Variants in SLCO3A1 observed in about 807,000 individuals in gnomAD.
SLCO3A1 encodes solute carrier organic anion transporter family member 3A1, also known as PGE1 transporter.
In SLCO3A1, 27 loss-of-function variants were observed where a neutral mutation model predicts 63.1. The ratio of observed to expected loss-of-function variants is 0.43; its 90% CI spans 0.32 to 0.59. The LOEUF is 0.59. SLCO3A1 is among the 20% of genes least tolerant of loss of function. The pLI is 0.09. For missense variants in SLCO3A1, 773 were observed against 945.8 expected, an observed-to-expected ratio of 0.82 and a Z score of 2.40; for synonymous variants, 473 against 409.9, an observed-to-expected ratio of 1.15 and a Z score of -1.86.
exon 11 of SLCO3A1, chr15:92,172,013 C>T (rs2048524516): frequency 4.7e-6 from 3 of 642,318 alleles, no homozygotes; most frequent in Admixed American, 2.4e-5. Context: ...AGGCCCCAAG[C>T]GCAGGCCTGT....
chr15:92,084,570 A>G (rs908787124), intron 2 of SLCO3A1, among the ~76,000 whole-genome samples: 6 of 152,206 alleles, frequency 3.9e-5, no homozygotes, highest in Non-Finnish European at 8.8e-5. Context: ...TGAGGGTCAG[A>G]AACACGAATG....
intron 2 of SLCO3A1, among the ~76,000 whole-genome samples, chr15:92,045,557 A>G (rs2046850947): frequency 6.6e-6 from 1 of 152,196 alleles, no homozygotes; most frequent in South Asian, 2.1e-4. Context: ...AGCATTTTTA[A>G]TACCTGTATA....
chr15:92,147,973 T>G (rs767123394), intron 8 of SLCO3A1, among the ~76,000 whole-genome samples: 24 of 152,120 alleles, frequency 1.6e-4, no homozygotes, highest in Admixed American at 2.6e-4. Context: ...TCCCAGCACT[T>G]TGGGAGGCCA....
chr15:92,032,724 C>G (rs1207377098), intron 2 of SLCO3A1, among the ~76,000 whole-genome samples: 1 of 152,086 alleles, frequency 6.6e-6, no homozygotes, highest in African/African-American at 2.4e-5. Flanking sequence ...TGCGATGCTC[C>G]TGGCAAAATT....
rs1406802214 is a variant in SLCO3A1, at chr15:92,117,770, T to C, written c.1010-2695T>C. Among the ~76,000 whole-genome samples the C allele has an allele frequency of 3.9e-5, 6 of 152,208 alleles. No individual in the cohort carries two copies. The South Asian group carries it at 1.2e-3, about 32-fold the overall frequency. On this transcript the variant is annotated intron_variant, in intron 4 of 9. Coordinates refer to ENST00000318445, the MANE Select transcript of SLCO3A1 (RefSeq NM_013272.4). ...ACTCATTCATAGTGATTTATGAGGA[T>C]AGACTTGTAACATCCAAGGGGCTTC...
chr15:92,127,028 A>G (rs2047932649), intron 6 of SLCO3A1, among the ~76,000 whole-genome samples: 1 of 152,202 alleles, frequency 6.6e-6, no homozygotes, highest in South Asian at 2.1e-4. Flanking sequence ...CGGAAGATGC[A>G]GTGGAGCCAG....
At chr15:92,058,537 A>C (rs1014894104) in intron 2 of SLCO3A1, among the ~76,000 whole-genome samples, 3 of 152,064 alleles carry the variant, frequency 2.0e-5, no homozygotes, top group African/African-American at 7.2e-5. Flanking sequence ...CTGCTATCCC[A>C]TGGAAGAGAA....
At chr15:92,075,339 A>G (rs2047264465) in intron 2 of SLCO3A1, among the ~76,000 whole-genome samples, 1 of 152,020 alleles carries the variant, frequency 6.6e-6, no homozygotes, top group South Asian at 2.1e-4. Context: ...AAGCCCCTCC[A>G]GGAGGTAATC....
At chr15:92,036,687 C>CA (rs1414893076) in intron 2 of SLCO3A1, among the ~76,000 whole-genome samples, 2 of 152,196 alleles carry the variant, frequency 1.3e-5, no homozygotes, top group Non-Finnish European at 2.9e-5. Context: ...TCATCCATTT[C>CA]AAAAGGACCA....
chr15:92,138,109 T>C lies in SLCO3A1; in HGVS notation c.1513-8875T>C, dbSNP rs1330551558. 9.4e-3 allele frequency among the ~76,000 whole-genome samples: 1,062 copies of C among 113,478 alleles called. 37 individuals are homozygous for C. Among genetic ancestry groups the C allele is most frequent in the Non-Finnish European group, 8.8e-3 (513 of 58,548 alleles). 74.4% of individuals were successfully genotyped at this position (113,478 alleles called of 152,430 possible). Reference sequence around the variant, plus strand: ...CTTCTAGGGTTTTTATGGTGTTAGGTCTAATGTTTAAGTCTTTAATCCATC... The same window carrying C: ...CTTCTAGGGTTTTTATGGTGTTAGGCCTAATGTTTAAGTCTTTAATCCATC... On this transcript the variant is annotated intron_variant, in intron 7 of 9. Coordinates refer to ENST00000318445, the MANE Select transcript of SLCO3A1 (RefSeq NM_013272.4).
chr15:92,081,301 C>A (rs1046984337), intron 2 of SLCO3A1, among the ~76,000 whole-genome samples: 2 of 151,942 alleles, frequency 1.3e-5, no homozygotes, highest in Non-Finnish European at 2.9e-5. Context: ...ATTTTGGGTA[C>A]CAGCTATTTC....
At chr15:91,969,806 C>A (rs1900792185) in intron 2 of SLCO3A1, among the ~76,000 whole-genome samples, 1 of 152,156 alleles carries the variant, frequency 6.6e-6, no homozygotes. Context: ...CTAGCTATGT[C>A]TATGGTTTCC....
chr15:92,011,901 G>C (rs2046373044), intron 2 of SLCO3A1, among the ~76,000 whole-genome samples: 1 of 152,242 alleles, frequency 6.6e-6, no homozygotes, highest in Non-Finnish European at 1.5e-5. Flanking sequence ...TCAATTTGCT[G>C]TGTTATTTGG....
At chr15:91,880,380 CT>C (rs1335121556) in intron 1 of SLCO3A1, among the ~76,000 whole-genome samples, 8 of 50,330 alleles carry the variant, frequency 1.6e-4, no homozygotes, top group Non-Finnish European at 2.5e-4. Flanking sequence ...GGCACTCGTG[CT>C]TCTCTCTCTC....
intron 2 of SLCO3A1, among the ~76,000 whole-genome samples, chr15:92,012,013 C>T (rs572695119): frequency 3.3e-5 from 5 of 152,314 alleles, no homozygotes; most frequent in South Asian, 4.2e-4. Context: ...AGCACATGAG[C>T]GGGGACTGAA....
chr15:92,043,229 G>A (rs2046820151), intron 2 of SLCO3A1, among the ~76,000 whole-genome samples: 1 of 151,802 alleles, frequency 6.6e-6, no homozygotes, highest in Non-Finnish European at 1.5e-5. Flanking sequence ...GTGGGTGGGA[G>A]GAAGTGTTTG....
Position 91,897,325 on chromosome 15 carries a change from C to T in SLCO3A1, c.181-18668C>T, listed in dbSNP as rs1268034854. Among the ~76,000 whole-genome samples the T allele has an allele frequency of 4.6e-5, 7 of 152,030 alleles. No homozygotes were observed. Among genetic ancestry groups the T allele is most frequent in the African/African-American group, 1.7e-4 (7 of 41,392 alleles). The stretch of plus-strand genomic sequence containing the variant: ...AATTAGCTGGGCATGGTGGCGGGCA[C>T]CTATAATCCCAGCTACTCAGGAGGC... On this transcript the variant is annotated intron_variant, in intron 1 of 9. Coordinates refer to ENST00000318445, the MANE Select transcript of SLCO3A1 (RefSeq NM_013272.4). The surrounding 1 kb of genome is among the most constrained non-coding windows in gnomAD (Gnocchi z 4.7).
chr15:92,064,918 GT>G (rs2047130918), intron 2 of SLCO3A1, among the ~76,000 whole-genome samples: 1 of 152,132 alleles, frequency 6.6e-6, no homozygotes, highest in Non-Finnish European at 1.5e-5. Flanking sequence ...CAAAAATGCA[GT>G]TAGAGAGAAG....
Position 92,150,957 on chromosome 15 carries a change from A to C in SLCO3A1, c.1696A>C (p.Ser566Arg). Residue 566 changes from serine (S) to arginine (R), a missense_variant, in exon 9 of 10, where the codon AGC becomes CGC. Ser to Arg is a moderately radical substitution (Grantham distance 110). Coordinates refer to ENST00000318445, the MANE Select transcript of SLCO3A1 (RefSeq NM_013272.4). ...TCATCTCTTTGCACGTAGGACAGTCAGCCCTGAACTCAAGTCTTACGCTTT... is the reference window on the plus strand; with the variant it reads ...TCATCTCTTTGCACGTAGGACAGTCCGCCCTGAACTCAAGTCTTACGCTTT... ...PSVIILIRTVSPELKSYALGV... is the reference protein window; with the variant it reads ...PSVIILIRTVRPELKSYALGV... 6.2e-7 allele frequency: 1 copy of C among 1,611,192 alleles called. No individual in the cohort carries two copies.
Sources: allele counts gnomAD v4.1 joint callset (sites outside exome capture counted in the v4.1 genomes callset), GRCh38; gene constraint gnomAD v4.1.1; non-coding constraint Gnocchi (gnomAD v3.1); transcripts MANE v1.5; gene names NCBI Gene and HGNC (gene_info 2026-07-23, HGNC 2026-07-21).